Variants in CEL observed in about 807,000 individuals in gnomAD.
CEL encodes bile salt-activated lipase.
Under a neutral mutation model 57.1 loss-of-function variants are expected in CEL, and 39 were observed. The observed-to-expected ratio is 0.68, with a 90% CI of 0.53 to 0.89. CEL has a LOEUF of 0.89. Among genes scored for constraint, CEL ranks in the 40% least tolerant of loss-of-function variants. The pLI, the probability that CEL is intolerant of heterozygous loss-of-function variation, is 0.00. For missense variants in CEL, 698 were observed against 915.0 expected, an observed-to-expected ratio of 0.76 and a Z score of 3.06; for synonymous variants, 314 against 396.6, an observed-to-expected ratio of 0.79 and a Z score of 2.48.
chr9:133,068,411 G>A (rs573292019), intron 7 of CEL, among the ~76,000 whole-genome samples: 130 of 152,226 alleles, frequency 8.5e-4, no homozygotes, highest in Middle Eastern at 3.4e-3. Context: ...GCCTGGGGAC[G>A]TGTGGCAGGG....
At chr9:133,063,438 G>A (rs1398795641) in intron 1 of CEL, among the ~76,000 whole-genome samples, 2 of 152,182 alleles carry the variant, frequency 1.3e-5, no homozygotes, top group Non-Finnish European at 2.9e-5. Flanking sequence ...TGTGACAGGG[G>A]GCCCATCACC....
At chr9:133,064,888 G>A in intron 3 of CEL, 126 bp downstream of exon 3, 2 of 1,548,360 alleles carry the variant, frequency 1.3e-6, no homozygotes, top group East Asian at 2.3e-5. Context: ...GGGGAGGGGA[G>A]CGCCCACTGC....
At chr9:133,062,752 G>A (rs1830110769) in intron 1 of CEL, among the ~76,000 whole-genome samples, 2 of 151,154 alleles carry the variant, frequency 1.3e-5, no homozygotes. Context: ...GGGCCCAGGG[G>A]CAGGGAGTGT....
In CEL at chr9:133,068,718, C is replaced by T. The variant is rs1830219203; in HGVS notation, c.942C>T (p.Asp314=). The T allele has an allele frequency of 6.2e-7, 1 of 1,608,608 alleles. No homozygotes were observed. The highest frequency in any genetic ancestry group is 8.5e-7 in the Non-Finnish European group (1 of 1,178,164). Residue 314 remains aspartate (D), a synonymous_variant, in exon 8 of 11, where the codon GAC becomes GAT. Transcript: ENST00000372080. ...YVGFVPVIDG[D]FIPADPINLY... is the part of the protein sequence containing the mutation. ...GCTTCGTCCCTGTCATTGATGGAGA[C>T]TTCATCCCCGCTGACCCGATCAACC...
At chr9:133,064,616 C>T (rs1830144828) in intron 2 of CEL, 24 bp from the exon 3 acceptor site, 1 of 1,613,848 alleles carries the variant, frequency 6.2e-7, no homozygotes, top group Non-Finnish European at 8.5e-7. Context: ...CTGCCTTCCT[C>T]ATGCCAACTC....
intron 7 of CEL, 54 bp downstream of exon 7, chr9:133,067,259 G>A (rs565872546): frequency 7.3e-6 from 11 of 1,498,450 alleles, no homozygotes; most frequent in East Asian, 6.8e-5. Flanking sequence ...GTTGAGGGGG[G>A]TACTGCCAGG....
chr9:133,064,979 G>A (rs1830152171), intron 3 of CEL, 61 bp from the exon 4 acceptor site: 1 of 1,600,432 alleles, frequency 6.2e-7, no homozygotes, highest in Admixed American at 1.7e-5. Context: ...AGGGACAGGG[G>A]ACCGGCTGGA....
Position 133,064,502 on chromosome 9 carries a change from C to T in CEL, c.165C>T (p.Phe55=), listed in dbSNP as rs778014520. Residue 55 remains phenylalanine, a synonymous_variant, in exon 2 of 11, where the codon TTC becomes TTT. Transcript: ENST00000372080. ...TGGACATCTTCAAGGGCATCCCCTT[C>T]GCAGCTCCCACCAAGGCCCTGGAAA... ...DSVDIFKGIP[F]AAPTKALENP... is the part of the protein sequence containing the mutation. 18 of 1,614,060 alleles carry T rather than the reference C, an allele frequency of 1.1e-5. No individual in the cohort carries two copies. Among genetic ancestry groups the T allele is most frequent in the Admixed American group, 1.7e-5 (1 of 60,004 alleles).
chr9:133,065,331 T>A, intron 4 of CEL, 94 bp downstream of exon 4: 1 of 1,416,822 alleles, frequency 7.1e-7, no homozygotes, highest in South Asian at 1.1e-5. Context: ...AAACAACCAG[T>A]GGCGGTTCAC....
rs779550536 is a variant in CEL, at chr9:133,066,601, G to A, written c.610G>A (p.Asp204Asn). The change falls in exon 5 of 11, where the codon GAC becomes AAC. Residue 204 changes from aspartate (D) to asparagine (N), a missense_variant. Physicochemically the swap from Asp to Asn is conservative, Grantham distance 23. Coordinates refer to ENST00000372080, the MANE Select transcript of CEL (RefSeq NM_001807.6). This position sits in a 1 kb window ranked among gnomAD's most constrained non-coding sequence, Gnocchi z 4.3. ...VKRNIAAFGG[D>N]PNNITLFGES... ...GAGGAATATCGCGGCCTTCGGGGGG[G>A]ACCCCAACAACATCACGCTCTTCGG... 1.2e-6 allele frequency: 2 copies of A among 1,613,928 alleles called. No individual in the cohort carries two copies. The highest frequency in any genetic ancestry group is 2.2e-5 in the East Asian group (1 of 44,868).
In CEL at chr9:133,069,048, TC is replaced by T; in HGVS notation, c.1083-3del. The T allele has an allele frequency of 1.3e-6, 2 of 1,592,958 alleles. No individual in the cohort carries two copies. On this transcript the variant is annotated splice_polypyrimidine_tract_variant and splice_region_variant and intron_variant, in intron 8 of 10. Coordinates refer to ENST00000372080, the MANE Select transcript of CEL (RefSeq NM_001807.6). ...GGCTGAGTGTCAGTGCCTACTTGAT[TC>T]CCCCAGGGAGGACTTCTACAAGCTG...
In CEL at chr9:133,064,686, C is replaced by A; in HGVS notation, c.264C>A (p.Thr88=). 6.2e-7 allele frequency: 1 copy of A among 1,614,146 alleles called. No homozygotes were observed. Among genetic ancestry groups the A allele is most frequent in the South Asian group, 1.1e-5 (1 of 91,088 alleles). Residue 88 remains threonine, a synonymous_variant, in exon 3 of 11, where the codon ACC becomes ACA. Coordinates refer to ENST00000372080, the MANE Select transcript of CEL (RefSeq NM_001807.6). The stretch of plus-strand genomic sequence containing the variant: ...TCAAGAAGAGATGCCTGCAGGCCAC[C>A]ATCACCCAGGACAGCACCTACGGGG... ...KNFKKRCLQA[T]ITQDSTYGDE...
Position 133,066,811 on chromosome 9 carries a change from T to C in CEL, c.670-27T>C. On this transcript the variant is annotated intron_variant, in intron 5 of 10. Transcript: ENST00000372080. This position sits in a 1 kb window ranked among gnomAD's most constrained non-coding sequence, Gnocchi z 4.3. Reference sequence around the variant, plus strand: ...GGGTGGGCAGAGTGGGGAGCGGCCTTGGTGACGGGATTTCTGGGTCCCGTA... The same window carrying C: ...GGGTGGGCAGAGTGGGGAGCGGCCTCGGTGACGGGATTTCTGGGTCCCGTA... The C allele has an allele frequency of 6.2e-7, 1 of 1,608,944 alleles. No homozygotes were observed. The highest frequency in any genetic ancestry group is 8.5e-7 in the Non-Finnish European group (1 of 1,177,396).
chr9:133,067,197 G>T lies in CEL; in HGVS notation c.887G>T (p.Gly296Val). 1 of 1,613,762 alleles carries T rather than the reference G, an allele frequency of 6.2e-7. No individual in the cohort carries two copies. The highest frequency in any genetic ancestry group is 8.5e-7 in the Non-Finnish European group (1 of 1,179,948). ...CTGGCCTATAAGGTGCCGCTGGCAG[G>T]CCTGGAGTGTGAGTAGCTGCTCGGG... ...LTLAYKVPLA[G>V]LEYPMLHYVG... The change falls in exon 7 of 11, where the codon GGC becomes GTC. Residue 296 changes from glycine (G) to valine (V), a missense_variant. Gly to Val is a moderately radical substitution (Grantham distance 109). Transcript: ENST00000372080.
rs764921162 is a variant in CEL, at chr9:133,066,523, C to T, written c.539-7C>T. The T allele has an allele frequency of 6.2e-7, 1 of 1,613,934 alleles. No individual in the cohort carries two copies. The highest frequency in any genetic ancestry group is 8.5e-7 in the Non-Finnish European group (1 of 1,179,998). ...CTCTAGCACCCCCTCCCCTGCCCTG[C>T]CCCCAGGTAACTATGGCCTTCGGGA... is the stretch of plus-strand genomic sequence containing the variant. On this transcript the variant is annotated splice_polypyrimidine_tract_variant and splice_region_variant and intron_variant, in intron 4 of 10. Coordinates refer to ENST00000372080, the MANE Select transcript of CEL (RefSeq NM_001807.6). The surrounding 1 kb of genome is among the most constrained non-coding windows in gnomAD (Gnocchi z 4.3).
At chr9:133,063,985 A>G (rs1168161002) in intron 1 of CEL, among the ~76,000 whole-genome samples, 1 of 151,894 alleles carries the variant, frequency 6.6e-6, no homozygotes, top group East Asian at 1.9e-4. Context: ...CATTGGGTAC[A>G]CTCCTCCCGG....
chr9:133,066,741 C>T lies in CEL; in HGVS notation c.669+81C>T, dbSNP rs1009815639. The T allele has an allele frequency of 2.6e-5, 42 of 1,605,388 alleles. No homozygotes were observed. Among genetic ancestry groups the T allele is most frequent in the East Asian group, 1.1e-4 (5 of 44,728 alleles). ...GGGAAGGGGAGGGTGGGAGGAGGAG[C>T]GTGGAGCTGGGGCTGTGGTGCTGGG... On this transcript the variant is annotated intron_variant, in intron 5 of 10. Coordinates refer to ENST00000372080, the MANE Select transcript of CEL (RefSeq NM_001807.6). This position sits in a 1 kb window ranked among gnomAD's most constrained non-coding sequence, Gnocchi z 4.3.
chr9:133,066,458 G>A lies in CEL; in HGVS notation c.539-72G>A. 6.3e-7 allele frequency: 1 copy of A among 1,595,892 alleles called. No individual in the cohort carries two copies. The highest frequency in any genetic ancestry group is 8.6e-7 in the Non-Finnish European group (1 of 1,167,132). ...TTGAGGGCATTTCCACCCCACCTAT[G>A]CTGATCTCCCCTCCTGGAGGCCAGG... On this transcript the variant is annotated intron_variant, in intron 4 of 10. Transcript: ENST00000372080. This position sits in a 1 kb window ranked among gnomAD's most constrained non-coding sequence, Gnocchi z 4.3.
In CEL at chr9:133,064,224, G is replaced by A. The variant is rs141502046; in HGVS notation, c.67-180G>A. On this transcript the variant is annotated intron_variant, in intron 1 of 10. Coordinates refer to ENST00000372080, the MANE Select transcript of CEL (RefSeq NM_001807.6). The stretch of plus-strand genomic sequence containing the variant: ...ACCCCCAGGGATAAGGAGAGGAACA[G>A]GAATCCTAAAGCCCTGAGCATTGCA... 1.1e-4 allele frequency among the ~76,000 whole-genome samples: 16 copies of A among 152,344 alleles called. No homozygotes were observed. The East Asian group carries it at 2.1e-3, about 20-fold the overall frequency.
Sources: gnomAD v4.1 joint callset for allele counts (sites outside exome capture counted in the v4.1 genomes callset) on GRCh38, gnomAD v4.1.1 for gene constraint, Gnocchi (gnomAD v3.1) non-coding constraint, MANE v1.5 for transcripts, NCBI Gene and HGNC (gene_info 2026-07-23, HGNC 2026-07-21) for gene names.